Variants in ZMYND8 observed in about 807,000 individuals in gnomAD.
ZMYND8 encodes the protein zinc finger MYND-type containing 8.
ZMYND8 carries 37 observed loss-of-function variants against 140.8 expected under a neutral mutation model. The ratio of observed to expected loss-of-function variants is 0.26; its 90% CI spans 0.20 to 0.35. The LOEUF is 0.35. ZMYND8 is among the 10% of genes least tolerant of loss of function. The pLI is 1.00. For synonymous variants in ZMYND8, 592 were observed against 597.1 expected (o/e 0.99, Z 0.12); for missense variants, 1,068 against 1,570.0 (o/e 0.68, Z 5.40).
intron 9 of ZMYND8, among the ~76,000 whole-genome samples, chr20:47,282,688 C>T (rs999885748): frequency 1.3e-5 from 2 of 150,076 alleles, no homozygotes; most frequent in African/African-American, 4.9e-5. Context: ...CACGCCACTG[C>T]ACTCCAGCCA....
chr20:47,283,471 A>T (rs1229523471), intron 9 of ZMYND8, 100 bp downstream of exon 9: 2 of 1,218,772 alleles, frequency 1.6e-6, no homozygotes, highest in Admixed American at 1.9e-5. Context: ...AACTCCATCC[A>T]AAGTTTCATC....
chr20:47,254,116 CT>C (rs2074404924), intron 12 of ZMYND8, among the ~76,000 whole-genome samples: 1 of 152,264 alleles, frequency 6.6e-6, no homozygotes, highest in Non-Finnish European at 1.5e-5. Context: ...TCTTCCACCC[CT>C]GCCCTTCTAT....
intron 2 of ZMYND8, among the ~76,000 whole-genome samples, chr20:47,340,711 C>A (rs1036749324): frequency 5.9e-5 from 9 of 151,758 alleles, no homozygotes; most frequent in African/African-American, 2.2e-4. Context: ...CACTTGAACC[C>A]GGGAAATGAA....
intron 2 of ZMYND8, among the ~76,000 whole-genome samples, chr20:47,322,374 C>T (rs1379903775): frequency 1.3e-5 from 2 of 151,344 alleles, no homozygotes; most frequent in African/African-American, 4.9e-5. Flanking sequence ...ATGTGGTTCA[C>T]AGCTATTGTT....
chr20:47,333,944 AGGAG>A (rs1001549784), intron 2 of ZMYND8, among the ~76,000 whole-genome samples: 2 of 151,798 alleles, frequency 1.3e-5, no homozygotes, highest in African/African-American at 2.4e-5. Context: ...AAGAAAGGGA[AGGAG>A]GGAGGAATGA....
At chr20:47,268,234 A>C (rs2075674777) in intron 11 of ZMYND8, among the ~76,000 whole-genome samples, 1 of 151,328 alleles carries the variant, frequency 6.6e-6, no homozygotes, top group Non-Finnish European at 1.5e-5. Context: ...AGGCAGATGC[A>C]TCACTTGAGG....
intron 6 of ZMYND8, 107 bp downstream of exon 6, chr20:47,291,689 T>C (rs2077274158): frequency 2.7e-6 from 2 of 739,714 alleles, no homozygotes; most frequent in Non-Finnish European, 4.0e-6. Flanking sequence ...AGAGAAACAA[T>C]TTAAGATTGT....
At position 47,294,689 on chromosome 20, in the gene ZMYND8, T is replaced by C. The variant is rs767333418; in HGVS notation, c.544A>G (p.Ile182Val). 16 of 1,614,072 alleles carry C rather than the reference T, an allele frequency of 9.9e-6. No homozygotes were observed. Among genetic ancestry groups the C allele is most frequent in the Middle Eastern group, 1.6e-4 (1 of 6,084 alleles). ...EQLSYLLKFA[I>V]QKMKQPGTDA... ...ACCCCTGGCTGTTTCATTTTCTGAA[T>C]GGCAAACTTGAGCAGGTAGGATAAC... is the stretch of plus-strand genomic sequence containing the variant. The change falls in exon 5 of 23, where the codon ATT becomes GTT. Residue 182 changes from isoleucine (I) to valine (V), a missense_variant. Transcript: ENST00000471951.
intron 8 of ZMYND8, among the ~76,000 whole-genome samples, chr20:47,284,205 G>A (rs1466275785): frequency 2.0e-5 from 3 of 152,170 alleles, no homozygotes; most frequent in Non-Finnish European, 4.4e-5. Flanking sequence ...TTACAGGTGT[G>A]AGCCACCATG....
intron 7 of ZMYND8, among the ~76,000 whole-genome samples, chr20:47,287,828 G>T (rs948750160): frequency 7.3e-6 from 1 of 136,762 alleles, no homozygotes; most frequent in Non-Finnish European, 1.5e-5. Flanking sequence ...CCCACCTCTA[G>T]AAAAAAACAA....
chr20:47,277,850 T>C (rs1019881300), intron 10 of ZMYND8, among the ~76,000 whole-genome samples: 2 of 152,080 alleles, frequency 1.3e-5, no homozygotes, highest in African/African-American at 4.8e-5. Flanking sequence ...TTTGTATTTT[T>C]AGTAGAGACG....
intron 21 of ZMYND8, among the ~76,000 whole-genome samples, chr20:47,219,234 T>A (rs1172526995): frequency 1.3e-5 from 2 of 151,578 alleles, no homozygotes; most frequent in Non-Finnish European, 2.9e-5. Flanking sequence ...ATTTTTGTAC[T>A]TTTAGTAGAG....
At chr20:47,285,298 G>A (rs2076851698) in intron 8 of ZMYND8, among the ~76,000 whole-genome samples, 2 of 152,128 alleles carry the variant, frequency 1.3e-5, no homozygotes, top group Non-Finnish European at 1.5e-5. Context: ...TATTTAACAG[G>A]TGCTCAATAA....
chr20:47,220,888 G>A (rs923535951), intron 20 of ZMYND8, among the ~76,000 whole-genome samples: 1 of 152,088 alleles, frequency 6.6e-6, no homozygotes, highest in African/African-American at 2.4e-5. Flanking sequence ...AAACCTTCGT[G>A]GCCCAATAGG....
chr20:47,242,715 A>C (rs1015280183), intron 14 of ZMYND8, among the ~76,000 whole-genome samples: 3 of 152,240 alleles, frequency 2.0e-5, no homozygotes, highest in Non-Finnish European at 4.4e-5. Flanking sequence ...CAAATAAAGA[A>C]CTAGAGTATA....
intron 2 of ZMYND8, among the ~76,000 whole-genome samples, chr20:47,326,423 G>A (rs1221377705): frequency 6.6e-6 from 1 of 152,198 alleles, no homozygotes; most frequent in Non-Finnish European, 1.5e-5. Context: ...CTTGAGGAGA[G>A]CTATTGTTTC....
chr20:47,293,303 T>A (rs1273297433), intron 5 of ZMYND8, among the ~76,000 whole-genome samples: 2 of 152,098 alleles, frequency 1.3e-5, no homozygotes, highest in Admixed American at 1.3e-4. Flanking sequence ...ATGCTTATTA[T>A]ATTGTCAAAA....
chr20:47,276,671 T>C lies in ZMYND8; in HGVS notation c.1123A>G (p.Arg375Gly). The C allele has an allele frequency of 6.2e-7, 1 of 1,614,030 alleles. No homozygotes were observed. The highest frequency in any genetic ancestry group is 8.5e-7 in the Non-Finnish European group (1 of 1,180,008). The change falls in exon 11 of 23, where the codon AGG (arginine) becomes GGG (glycine). Residue 375 changes from arginine to glycine, a missense_variant. Physicochemically the swap from Arg to Gly is moderately radical, Grantham distance 125. This residue lies in a region of ZMYND8 where 49 missense variants were observed against 94.1 expected (regional missense o/e 0.52). Transcript: ENST00000471951. ...EMEVYVENIR[R>G]KFGVFNYSPF... Reference sequence around the variant, plus strand: ...GAGTAATTAAAAACCCCAAACTTCCTGCGGATGTTCTCCACGTAAACCTCC... The same window carrying C: ...GAGTAATTAAAAACCCCAAACTTCCCGCGGATGTTCTCCACGTAAACCTCC...
intron 2 of ZMYND8, among the ~76,000 whole-genome samples, chr20:47,340,545 C>A (rs2081768646): frequency 6.6e-6 from 1 of 151,712 alleles, no homozygotes. Flanking sequence ...TACAATCCCA[C>A]CACTTTGGGA....
Sources: gnomAD v4.1 joint callset for allele counts (sites outside exome capture counted in the v4.1 genomes callset) on GRCh38, gnomAD v4.1.1 for gene constraint, gnomAD v4.1.1 regional missense constraint, MANE v1.5 for transcripts, NCBI Gene and HGNC (gene_info 2026-07-23, HGNC 2026-07-21) for gene names.